HHIPL1: variants seen among roughly 807,000 people sequenced by gnomAD.
HHIPL1 encodes the protein HHIP like 1.
Under a neutral mutation model 61.8 loss-of-function variants are expected in HHIPL1, and 43 were observed. The observed-to-expected ratio is 0.70, with a 90% CI of 0.55 to 0.90. HHIPL1 has a LOEUF of 0.90. HHIPL1 is among the 40% of genes least tolerant of loss of function. The pLI is 0.00. For synonymous variants in HHIPL1, 482 were observed against 515.8 expected (o/e 0.93, Z 0.89); for missense variants, 1,056 against 1,157.7 (o/e 0.91, Z 1.28).
the HHIPL1 span, among the ~76,000 whole-genome samples, chr14:99,639,940 G>A: frequency 1.5e-3 from 236 of 152,288 alleles, 1 homozygote; most frequent in African/African-American, 5.4e-3. Context: ...GATTACAGAC[G>A]TGAGCCACCA....
chr14:99,658,943 A>G (rs1055457950), intron 3 of HHIPL1, among the ~76,000 whole-genome samples: 1 of 152,116 alleles, frequency 6.6e-6, no homozygotes, highest in Admixed American at 6.5e-5. Flanking sequence ...GGGAGGACTG[A>G]ATGGTCTGAG....
rs146660698 is a variant in HHIPL1 at position 99,668,032 on chromosome 14, C to G, written c.1649-190C>G. ...GCTCCAGAGGCCCTTGGGTACAACC[C>G]AACTCCTCACCCAGCCTCACTTCCT... On this transcript the variant is annotated intron_variant, in intron 6 of 8. Coordinates refer to ENST00000330710, the MANE Select transcript of HHIPL1 (RefSeq NM_001127258.3). This position sits in a 1 kb window ranked among gnomAD's most constrained non-coding sequence, Gnocchi z 4.7. Among the ~76,000 whole-genome samples, 1 of 152,178 alleles carries G rather than the reference C, an allele frequency of 6.6e-6. No individual in the cohort carries two copies. The highest frequency in any genetic ancestry group is 1.5e-5 in the Non-Finnish European group (1 of 68,026).
the HHIPL1 span, among the ~76,000 whole-genome samples, chr14:99,613,066 C>T: frequency 6.6e-6 from 1 of 152,114 alleles, no homozygotes; most frequent in East Asian, 1.9e-4. Flanking sequence ...CCAGCCCCCT[C>T]CTGTTTGATA....
intron 2 of HHIPL1, among the ~76,000 whole-genome samples, chr14:99,656,786 G>A (rs56777391): frequency 0.081 from 3,326 of 41,074 alleles, 539 homozygotes; most frequent in African/African-American, 0.23. Flanking sequence ...AAAAAGAAAA[G>A]AAAAGAAAGA....
intron 6 of HHIPL1, among the ~76,000 whole-genome samples, chr14:99,667,992 C>T (rs1237781346): frequency 6.6e-6 from 1 of 152,196 alleles, no homozygotes; most frequent in Non-Finnish European, 1.5e-5. Context: ...GAGTGCCTGA[C>T]ACCCGGAAGA....
intron 1 of HHIPL1, among the ~76,000 whole-genome samples, chr14:99,646,867 A>G (rs28685211): frequency 0.18 from 16,125 of 90,606 alleles, 1,247 homozygotes; most frequent in Non-Finnish European, 0.25. Flanking sequence ...AATATGATAT[A>G]ATATGATACA....
rs1244584502 is a variant in HHIPL1 at position 99,652,812 on chromosome 14, A to C, written c.844A>C (p.Ile282Leu). The change falls in exon 2 of 9, where the codon ATC becomes CTC. Residue 282 changes from isoleucine (I) to leucine (L), a missense_variant. By Grantham distance (5) the Ile-to-Leu change is conservative (BLOSUM62 2). Coordinates refer to ENST00000330710, the MANE Select transcript of HHIPL1 (RefSeq NM_001127258.3). ...TATCCGCAGCAGTGAGTGGATCCGC[A>C]TCAGCGAGTTCAGAGTCTCCGAGGA... Reference protein sequence around the residue: ...VGIRSSEWIRISEFRVSEDDE... With the variant: ...VGIRSSEWIRLSEFRVSEDDE... The C allele has an allele frequency of 1.2e-6, 2 of 1,614,136 alleles. No individual in the cohort carries two copies. The highest frequency in any genetic ancestry group is 1.7e-6 in the Non-Finnish European group (2 of 1,180,050).
the HHIPL1 span, among the ~76,000 whole-genome samples, chr14:99,633,461 C>T: frequency 1.3e-5 from 2 of 152,286 alleles, no homozygotes; most frequent in African/African-American, 4.8e-5. Context: ...ATGTCACAGC[C>T]CATGGAGTGT....
chr14:99,653,435 C>T (rs1189263044), intron 2 of HHIPL1, among the ~76,000 whole-genome samples: 2 of 152,196 alleles, frequency 1.3e-5, no homozygotes, highest in East Asian at 3.8e-4. Context: ...CGGGTTCAAG[C>T]AAATCTCCTG....
rs559403192 is a variant in HHIPL1, at chr14:99,660,954, C to T, written c.1502+548C>T. 1.1e-4 allele frequency among the ~76,000 whole-genome samples: 17 copies of T among 152,288 alleles called. No homozygotes were observed. The East Asian group carries it at 3.1e-3, about 28-fold the overall frequency. ...AATGGGGAGAGGAGGAGGTGGGGCT[C>T]TTGTGGCCTTGGAGCCTTGCTGCCC... On this transcript the variant is annotated intron_variant, in intron 5 of 8. Transcript: ENST00000330710. The surrounding 1 kb of genome is among the most constrained non-coding windows in gnomAD (Gnocchi z 4.9).
chr14:99,667,172 G>A (rs551508749), intron 6 of HHIPL1, among the ~76,000 whole-genome samples: 1 of 152,162 alleles, frequency 6.6e-6, no homozygotes, highest in Non-Finnish European at 1.5e-5. Flanking sequence ...CTCAGGATGA[G>A]CCATGTGTGC....
upstream of HHIPL1, chr14:99,645,046 G>C (rs2055805071): frequency 7.4e-6 from 4 of 539,524 alleles, no homozygotes; most frequent in East Asian, 7.3e-5. Flanking sequence ...CAGTCCCGCC[G>C]AGTGTCCCCG....
In HHIPL1 at chr14:99,668,176, G is replaced by T. The variant is rs376028825; in HGVS notation, c.1649-46G>T. On this transcript the variant is annotated intron_variant, in intron 6 of 8. Transcript: ENST00000330710. This position sits in a 1 kb window ranked among gnomAD's most constrained non-coding sequence, Gnocchi z 4.7. ...GTGGTGAGGCGGGGCTGGCTGGGACGGTATTCCAGGTGGGGGTCTCACTAG... is the reference window on the plus strand; with the variant it reads ...GTGGTGAGGCGGGGCTGGCTGGGACTGTATTCCAGGTGGGGGTCTCACTAG... The T allele has an allele frequency of 8.5e-7, 1 of 1,174,220 alleles. No individual in the cohort carries two copies. The highest frequency in any genetic ancestry group is 1.3e-6 in the Non-Finnish European group (1 of 778,870). 72.7% of individuals were successfully genotyped at this position (1,174,220 alleles called of 1,614,324 possible).
intron 1 of HHIPL1, among the ~76,000 whole-genome samples, chr14:99,646,689 ACT>A (rs2055839020): frequency 6.6e-6 from 1 of 151,900 alleles, no homozygotes; most frequent in Non-Finnish European, 1.5e-5. Context: ...CAGGAGAAGC[ACT>A]TGACTCTGGG....
intron 8 of HHIPL1, among the ~76,000 whole-genome samples, chr14:99,672,902 G>A (rs2056340725): frequency 6.6e-6 from 1 of 152,180 alleles, no homozygotes. Context: ...AAGACCCTGT[G>A]TTGCCAGGTC....
At position 99,672,476 on chromosome 14, in the gene HHIPL1, C is replaced by T. The variant is rs2056336540; in HGVS notation, c.1813+77C>T. Reference sequence around the variant, plus strand: ...CACAACGGCTGCCTTTCCAGCCAGACTCGGGTCTTACCAGCTGGACCTAGA... The same window carrying T: ...CACAACGGCTGCCTTTCCAGCCAGATTCGGGTCTTACCAGCTGGACCTAGA... On this transcript the variant is annotated intron_variant, in intron 8 of 8. Coordinates refer to ENST00000330710, the MANE Select transcript of HHIPL1 (RefSeq NM_001127258.3). The T allele has an allele frequency of 3.2e-6, 4 of 1,263,726 alleles. No homozygotes were observed. The Admixed American group carries it at 5.9e-5, about 19-fold the overall frequency. The allele number at this position is 1,263,726 out of a possible 1,614,324, so 78.3% of individuals were successfully genotyped here.
chr14:99,643,589 T>TATCA (rs1209640573), upstream of HHIPL1, among the ~76,000 whole-genome samples: 1 of 152,210 alleles, frequency 6.6e-6, no homozygotes, highest in Non-Finnish European at 1.5e-5. Flanking sequence ...GATGTGTGAC[T>TATCA]ATCACCCAGT....
chr14:99,608,435 G>C, the HHIPL1 span, among the ~76,000 whole-genome samples: 1 of 152,170 alleles, frequency 6.6e-6, no homozygotes, highest in Non-Finnish European at 1.5e-5. Flanking sequence ...ATTGAACATG[G>C]GTTCTTATTG....
At chr14:99,644,932 C>T (rs963036843), upstream of HHIPL1, among the ~76,000 whole-genome samples, 2 of 152,148 alleles carry the variant, frequency 1.3e-5, no homozygotes, top group Non-Finnish European at 2.9e-5. Context: ...CAGGCGGAAC[C>T]GGGAAAACAC....
Sources: allele counts gnomAD v4.1 joint callset (sites outside exome capture counted in the v4.1 genomes callset), GRCh38; gene constraint gnomAD v4.1.1; non-coding constraint Gnocchi (gnomAD v3.1); transcripts MANE v1.5; gene names NCBI Gene and HGNC (gene_info 2026-07-23, HGNC 2026-07-21).